Variants in ABCD2 observed in about 807,000 individuals in gnomAD.
ABCD2 encodes the protein ATP binding cassette subfamily D member 2.
A neutral mutation model predicts 70.9 loss-of-function variants in ABCD2; 36 were observed. The ratio of observed to expected loss-of-function variants is 0.51; its 90% CI spans 0.39 to 0.67. The LOEUF (loss-of-function observed/expected upper bound fraction) is 0.67, where lower values mean the gene tolerates loss of function less well. Among genes scored for constraint, ABCD2 ranks in the 30% least tolerant of loss-of-function variants. The pLI, the probability that ABCD2 is intolerant of heterozygous loss-of-function variation, is 0.00. For synonymous variants in ABCD2, 304 were observed against 306.9 expected, an observed-to-expected ratio of 0.99 and a Z score of 0.10; for missense variants, 729 against 890.2, an observed-to-expected ratio of 0.82 and a Z score of 2.30.
chr12:39,608,192 AGAAAT>A (rs1462487586), intron 2 of ABCD2, among the ~76,000 whole-genome samples: 1 of 152,044 alleles, frequency 6.6e-6, no homozygotes, highest in Non-Finnish European at 1.5e-5. Flanking sequence ...AAGGAAAAAA[AGAAAT>A]GAAAAGAAGA....
At chr12:39,531,243 T>G in the ABCD2 span, among the ~76,000 whole-genome samples, 1 of 152,140 alleles carries the variant, frequency 6.6e-6, no homozygotes, top group East Asian at 1.9e-4. Flanking sequence ...ATTAATAAAA[T>G]GAGTTAGTTT....
chr12:39,573,819 C>A lies in ABCD2; in HGVS notation c.1900G>T (p.Glu634Ter), dbSNP rs772908531. 10 of 1,611,924 alleles carry A rather than the reference C, an allele frequency of 6.2e-6. No individual in the cohort carries two copies. ...YHKPKYALLD[E>*]CTSAVSIDVE... ...TCAATGCTGACAGCACTGGTACATT[C>A]ATCCAGCAAGGCATATTTTGGTCTT... is the stretch of plus-strand genomic sequence containing the variant. Residue 634 changes from glutamate (E) to a stop codon, truncating the protein, a stop_gained, in exon 9 of 10, where the codon GAA becomes TAA. Coordinates refer to ENST00000308666, the MANE Select transcript of ABCD2 (RefSeq NM_005164.4). LOFTEE classifies it high-confidence loss of function.
chr12:39,572,322 CA>C (rs1941459095), intron 9 of ABCD2, among the ~76,000 whole-genome samples: 1 of 152,132 alleles, frequency 6.6e-6, no homozygotes, highest in African/African-American at 2.4e-5. Flanking sequence ...AAAAAGGGCT[CA>C]AGAGTACTGG....
At chr12:39,534,875 G>A in the ABCD2 span, among the ~76,000 whole-genome samples, 542 of 116,126 alleles carry the variant, frequency 4.7e-3, 3 homozygotes, top group African/African-American at 0.017. Context: ...AGAAAAGGAA[G>A]GAAGGAAGGA....
chr12:39,608,924 G>C (rs2120754938), intron 2 of ABCD2, among the ~76,000 whole-genome samples: 1 of 152,196 alleles, frequency 6.6e-6, no homozygotes, highest in East Asian at 1.9e-4. Flanking sequence ...GGCATACTCT[G>C]TTAATCCTCT....
intron 9 of ABCD2, among the ~76,000 whole-genome samples, chr12:39,568,195 C>T (rs566596094): frequency 1.8e-4 from 27 of 152,294 alleles, no homozygotes; most frequent in African/African-American, 6.0e-4. Flanking sequence ...TGGGGAAGTT[C>T]TCCTGGATAA....
rs920218608 is a variant in ABCD2 at position 39,551,626 on chromosome 12, C to G, written c.*2286G>C. 6.6e-6 allele frequency: 1 copy of G among 151,714 alleles called. No homozygotes were observed. The highest frequency in any genetic ancestry group is 1.5e-5 in the Non-Finnish European group (1 of 67,688). 9.4% of individuals were successfully genotyped at this position (151,714 alleles called of 1,614,324 possible). On this transcript the variant is annotated 3_prime_UTR_variant, in exon 10 of 10. Coordinates refer to ENST00000308666, the MANE Select transcript of ABCD2 (RefSeq NM_005164.4). ...ACAAAAAGCTCATGGAAAACATGTG[C>G]ATATTAGAACTTTAACATTTAAATT...
chr12:39,619,463 C>G lies in ABCD2; in HGVS notation c.153G>C (p.Lys51Asn). 1.2e-6 allele frequency: 2 copies of G among 1,613,908 alleles called. No individual in the cohort carries two copies. Among genetic ancestry groups the G allele is most frequent in the Non-Finnish European group, 1.7e-6 (2 of 1,180,012 alleles). Residue 51 changes from lysine (K) to asparagine (N), a missense_variant, in exon 1 of 10, where the codon AAG becomes AAC. Transcript: ENST00000308666. ...GKRLKQSGHG[K>N]KKAAAYPAAE... ...CAGCAGGGTAAGCTGCTGCTTTTTT[C>G]TTCCCGTGGCCAGATTGCTTTAAAC...
intron 2 of ABCD2, among the ~76,000 whole-genome samples, chr12:39,608,234 G>A (rs1941997326): frequency 6.6e-6 from 1 of 152,034 alleles, no homozygotes; most frequent in South Asian, 2.1e-4. Flanking sequence ...AGAGAAATAA[G>A]TGTTTGTATC....
At chr12:39,566,647 C>G (rs560982341) in intron 9 of ABCD2, among the ~76,000 whole-genome samples, 13 of 152,142 alleles carry the variant, frequency 8.5e-5, no homozygotes, top group South Asian at 6.2e-4. Flanking sequence ...CTGCTCTGAT[C>G]TTAGTTATTT....
Position 39,607,635 on chromosome 12 carries a change from A to AGCTC in ABCD2, c.1196_1199dup (p.Asp401SerfsTer2). 1 of 1,613,514 alleles carries AGCTC rather than the reference A, an allele frequency of 6.2e-7. No individual in the cohort carries two copies. The highest frequency in any genetic ancestry group is 8.5e-7 in the Non-Finnish European group (1 of 1,179,690). ...AAGACATAATCCTTTCAATAGCATC[A>AGCTC]GCTCCAGAGGCCAGTAAATTTCGAG... On this transcript the variant is annotated frameshift_variant, in exon 3 of 10. Transcript: ENST00000308666. LOFTEE classifies it high-confidence loss of function.
At chr12:39,576,564 T>C (rs1215137001) in intron 8 of ABCD2, among the ~76,000 whole-genome samples, 4 of 152,198 alleles carry the variant, frequency 2.6e-5, no homozygotes, top group Non-Finnish European at 5.9e-5. Context: ...TAGTTTATAT[T>C]TTTAGCTAGC....
At chr12:39,593,923 C>T (rs979639260) in intron 6 of ABCD2, among the ~76,000 whole-genome samples, 2 of 151,938 alleles carry the variant, frequency 1.3e-5, no homozygotes, top group Non-Finnish European at 2.9e-5. Context: ...GAATTGAACA[C>T]CAATAAATTT....
intron 8 of ABCD2, among the ~76,000 whole-genome samples, chr12:39,574,109 G>A (rs1056239099): frequency 6.6e-6 from 1 of 152,052 alleles, no homozygotes; most frequent in African/African-American, 2.4e-5. Context: ...TCATAAATAT[G>A]GGACATAGGA....
chr12:39,573,428 T>A (rs962438357), intron 9 of ABCD2, among the ~76,000 whole-genome samples: 1 of 152,074 alleles, frequency 6.6e-6, no homozygotes, highest in South Asian at 2.1e-4. Context: ...TATATAAATA[T>A]ATTTTTCCCA....
chr12:39,542,652 G>A, the ABCD2 span, among the ~76,000 whole-genome samples: 3 of 152,118 alleles, frequency 2.0e-5, no homozygotes, highest in East Asian at 1.9e-4. Context: ...AGGATTTGAT[G>A]GTGAATTGGC....
intron 6 of ABCD2, among the ~76,000 whole-genome samples, chr12:39,599,773 G>A (rs1284110263): frequency 6.6e-6 from 1 of 152,196 alleles, no homozygotes; most frequent in Non-Finnish European, 1.5e-5. Flanking sequence ...TTTTATGTTT[G>A]TGCTTGTACT....
At chr12:39,565,613 C>G (rs1468506101) in intron 9 of ABCD2, among the ~76,000 whole-genome samples, 1 of 152,060 alleles carries the variant, frequency 6.6e-6, no homozygotes, top group Admixed American at 6.6e-5. Flanking sequence ...TAATATAATC[C>G]CCTTTATTTC....
intron 6 of ABCD2, among the ~76,000 whole-genome samples, chr12:39,589,401 T>TTTTTC (rs1304544617): frequency 6.7e-6 from 1 of 149,842 alleles, no homozygotes; most frequent in African/African-American, 2.5e-5. Flanking sequence ...TTTTTTTTTT[T>TTTTTC]TTTGAGACGG....
Sources: gnomAD v4.1 joint callset for allele counts (sites outside exome capture counted in the v4.1 genomes callset) on GRCh38, gnomAD v4.1.1 for gene constraint, MANE v1.5 for transcripts, NCBI Gene and HGNC (gene_info 2026-07-23, HGNC 2026-07-21) for gene names.